The following RAB3IP variants were observed in gnomAD, a reference collection of about 807,000 sequenced individuals.
RAB3IP encodes rab-3A-interacting protein.
A neutral mutation model predicts 59.1 loss-of-function variants in RAB3IP; 36 were observed. The ratio of observed to expected loss-of-function variants is 0.61; its 90% confidence interval spans 0.47 to 0.80. RAB3IP has a LOEUF of 0.80. RAB3IP is among the 30% of genes least tolerant of loss of function. The pLI is 0.00. For missense variants in RAB3IP, 511 were observed against 536.0 expected (o/e 0.95, Z 0.46); for synonymous variants, 207 against 191.2 (o/e 1.08, Z -0.68).
At chr12:69,743,034 G>A (rs1357802596) in intron 1 of RAB3IP, among the ~76,000 whole-genome samples, 1 of 152,142 alleles carries the variant, frequency 6.6e-6, no homozygotes, top group Non-Finnish European at 1.5e-5. Flanking sequence ...TAATCATAAT[G>A]GCAGTTGATG....
chr12:69,789,377 G>A (rs1249413769), intron 4 of RAB3IP, among the ~76,000 whole-genome samples: 1 of 152,004 alleles, frequency 6.6e-6, no homozygotes, highest in Non-Finnish European at 1.5e-5. Context: ...CAATCAATTG[G>A]ATAATCTAGA....
At chr12:69,739,726 C>T in intron 1 of RAB3IP, 3 of 987,118 alleles carry the variant, frequency 3.0e-6, no homozygotes, top group Non-Finnish European at 4.8e-6. Context: ...GGTGGGATTG[C>T]ATGGCTCTGC....
At chr12:69,778,893 G>A (rs1367502940) in intron 3 of RAB3IP, 1 of 24,024 alleles carries the variant, frequency 4.2e-5, no homozygotes, top group Non-Finnish European at 7.6e-5. Context: ...GCCCCCAGAG[G>A]TGGAGCCTAC....
At chr12:69,750,912 G>T (rs1325726058) in intron 1 of RAB3IP, among the ~76,000 whole-genome samples, 2 of 151,702 alleles carry the variant, frequency 1.3e-5, no homozygotes, top group Non-Finnish European at 2.9e-5. Context: ...TTACCTTATG[G>T]TTTTAATAGC....
chr12:69,791,113 G>C (rs1036723822), intron 4 of RAB3IP, among the ~76,000 whole-genome samples: 1 of 152,172 alleles, frequency 6.6e-6, no homozygotes, highest in Non-Finnish European at 1.5e-5. Context: ...ATCAATAAAT[G>C]CTGCTGAGAA....
intron 4 of RAB3IP, among the ~76,000 whole-genome samples, chr12:69,792,403 A>G: frequency 6.6e-6 from 1 of 152,174 alleles, no homozygotes; most frequent in East Asian, 1.9e-4. Context: ...CAGCCACACT[A>G]ATTTGTGTAT....
intron 7 of RAB3IP, among the ~76,000 whole-genome samples, chr12:69,800,934 A>C (rs569204206): frequency 6.6e-6 from 1 of 152,332 alleles, no homozygotes; most frequent in South Asian, 2.1e-4. Context: ...TTTTATGTTA[A>C]GTCTTTCAAG....
At chr12:69,807,085 C>T (rs190111739) in intron 8 of RAB3IP, among the ~76,000 whole-genome samples, 13 of 152,242 alleles carry the variant, frequency 8.5e-5, no homozygotes, top group Non-Finnish European at 1.3e-4. Flanking sequence ...TCTCGACGGT[C>T]GCTGTCTCTT....
intron 3 of RAB3IP, among the ~76,000 whole-genome samples, chr12:69,784,139 G>C (rs944491394): frequency 6.6e-6 from 1 of 152,066 alleles, no homozygotes; most frequent in Non-Finnish European, 1.5e-5. Context: ...AACTGGTGAG[G>C]AGTTGAATAT....
At chr12:69,815,339 A>G in intron 10 of RAB3IP, 25 bp from the exon 11 acceptor site, 2 of 1,488,156 alleles carry the variant, frequency 1.3e-6, no homozygotes, top group Non-Finnish European at 1.9e-6. Flanking sequence ...TATGATTTAA[A>G]TATCTCTCTT....
intron 6 of RAB3IP, among the ~76,000 whole-genome samples, chr12:69,799,519 T>C (rs1166903392): frequency 6.6e-6 from 1 of 152,180 alleles, no homozygotes; most frequent in Non-Finnish European, 1.5e-5. Context: ...TGGATTATTA[T>C]TGATGCCTAA....
chr12:69,766,578 TG>T (rs1293578367), intron 3 of RAB3IP, among the ~76,000 whole-genome samples: 1 of 151,874 alleles, frequency 6.6e-6, no homozygotes, highest in Non-Finnish European at 1.5e-5. Context: ...TGGAGTGCAA[TG>T]GCACCATCTC....
At chr12:69,814,816 A>G (rs762544169) in intron 10 of RAB3IP, among the ~76,000 whole-genome samples, 83 of 152,320 alleles carry the variant, frequency 5.4e-4, no homozygotes, top group Non-Finnish European at 2.4e-4. Context: ...TTACAAAAGT[A>G]TAGGTAATTG....
chr12:69,782,227 C>T (rs546583783), intron 3 of RAB3IP, among the ~76,000 whole-genome samples: 37 of 152,226 alleles, frequency 2.4e-4, no homozygotes, highest in African/African-American at 8.2e-4. Flanking sequence ...TGCAGTGGCG[C>T]GATCTCGGCT....
intron 6 of RAB3IP, among the ~76,000 whole-genome samples, chr12:69,797,932 A>G (rs957206515): frequency 2.0e-5 from 3 of 152,150 alleles, no homozygotes; most frequent in Non-Finnish European, 4.4e-5. Context: ...ATTGTTGGAC[A>G]TTTGGGTTGG....
rs1310536609 is a variant in RAB3IP at position 69,813,025 on chromosome 12, A to G, written c.1292A>G (p.Gln431Arg). ...IRYIQQGLVK[Q>R]QDVDQMFWEV... ...TACATTCAGCAGGGACTCGTGAAACAGCAGGATGGTGAGTGTTCTTGATTC... is the reference window on the plus strand; with the variant it reads ...TACATTCAGCAGGGACTCGTGAAACGGCAGGATGGTGAGTGTTCTTGATTC... Residue 431 changes from glutamine to arginine, a missense_variant, in exon 10 of 11, where the codon CAG (glutamine) becomes CGG (arginine). Transcript: ENST00000247833. 6.2e-7 allele frequency: 1 copy of G among 1,610,750 alleles called. No individual in the cohort carries two copies. The highest frequency in any genetic ancestry group is 1.3e-5 in the African/African-American group (1 of 74,834).
chr12:69,760,908 A>G (rs10748132), intron 3 of RAB3IP, among the ~76,000 whole-genome samples: 132,886 of 152,202 alleles, frequency 0.87, 58,350 homozygotes, highest in Admixed American at 0.93. Context: ...TTTGGGATTT[A>G]TTGAGCTTCT....
Position 69,816,930 on chromosome 12 carries a change from A to G in RAB3IP, c.*1484A>G, listed in dbSNP as rs1280142549. On this transcript the variant is annotated 3_prime_UTR_variant, in exon 11 of 11. Coordinates refer to ENST00000247833, the MANE Select transcript of RAB3IP (RefSeq NM_022456.5). ...TGTTATGGTGAAAACCATCAGTACC[A>G]TGCCTAGCTCAAGAATGTGAAATTG... 1 of 152,242 alleles carries G rather than the reference A, an allele frequency of 6.6e-6. No homozygotes were observed. Among genetic ancestry groups the G allele is most frequent in the East Asian group, 1.9e-4 (1 of 5,204 alleles). The allele number at this position is 152,242 out of a possible 1,614,324, so 9.4% of individuals were successfully genotyped here.
chr12:69,800,403 A>G (rs1324400226), intron 7 of RAB3IP, 66 bp downstream of exon 7: 1 of 955,632 alleles, frequency 1.0e-6, no homozygotes, highest in Non-Finnish European at 1.5e-6. Flanking sequence ...AAACTAAATC[A>G]TATTACATAT....
Sources: gnomAD v4.1 joint callset for allele counts (sites outside exome capture counted in the v4.1 genomes callset) on GRCh38, gnomAD v4.1.1 for gene constraint, MANE v1.5 for transcripts, NCBI Gene and HGNC (gene_info 2026-07-23, HGNC 2026-07-21) for gene names.